Variants in HFM1 observed in about 807,000 individuals in gnomAD.
The protein encoded by HFM1 is helicase for meiosis 1, also known as probable ATP-dependent DNA helicase HFM1.
A neutral mutation model predicts 192.1 loss-of-function variants in HFM1; 169 were observed. The ratio of observed to expected loss-of-function variants is 0.88; its 90% CI spans 0.78 to 1.00. The LOEUF (loss-of-function observed/expected upper bound fraction) is 1.00, where lower values mean the gene tolerates loss of function less well. Ranked by LOEUF, HFM1 falls within the 50% of genes least tolerant of loss-of-function variation. HFM1 has a pLI of 0.00. For synonymous variants in HFM1, 525 were observed against 537.8 expected (o/e 0.98, Z 0.33); for missense variants, 1,661 against 1,668.0 (o/e 1.00, Z 0.07).
In HFM1 at chr1:91,315,830, T is replaced by C. The variant is rs1183896046; in HGVS notation, c.3125A>G (p.Tyr1042Cys). Residue 1042 changes from tyrosine (Y) to cysteine (C), a missense_variant, in exon 28 of 39, where the codon TAT becomes TGT. Transcript: ENST00000370425. ...TCACACTTACGTAATCTTGTGCAGA[T>C]AAACTACTTGATTATCTGCGTCACC... ...IIGDADNQVV[Y>C]LHKITDSVLL... The C allele has an allele frequency of 3.1e-6, 5 of 1,609,322 alleles. No individual in the cohort carries two copies. In the East Asian group the frequency reaches 1.1e-4, roughly 36 times the overall value.
chr1:91,342,190 C>A (rs1209799885), intron 20 of HFM1, among the ~76,000 whole-genome samples: 4 of 132,982 alleles, frequency 3.0e-5, no homozygotes, highest in Admixed American at 7.6e-5. Context: ...ATGCAAAAAT[C>A]CTCAACAAAA....
Position 91,401,043 on chromosome 1 carries a change from A to G in HFM1, c.40T>C (p.Leu14=). The G allele has an allele frequency of 1.3e-6, 2 of 1,557,232 alleles. No individual in the cohort carries two copies. The highest frequency in any genetic ancestry group is 1.2e-5 in the South Asian group (1 of 82,096). Residue 14 remains leucine (L), a synonymous_variant, in exon 2 of 39, where the codon TTG becomes CTG. Transcript: ENST00000370425. The part of the protein sequence containing the change: ...SNDCLFSLEN[L]FFEKPDEVEN... ...ACTTCATCTGGTTTTTCAAAAAACAAATTTTCCAAAGAAAACAGGCAATCA... is the reference window on the plus strand; with the variant it reads ...ACTTCATCTGGTTTTTCAAAAAACAGATTTTCCAAAGAAAACAGGCAATCA...
chr1:91,310,602 A>T lies in HFM1; in HGVS notation c.3391+2747T>A, dbSNP rs1281447815. Among the ~76,000 whole-genome samples the T allele has an allele frequency of 1.3e-5, 2 of 152,228 alleles. 1 individual carries two copies. The highest frequency in any genetic ancestry group is 4.8e-5 in the African/African-American group (2 of 41,454). On this transcript the variant is annotated intron_variant, in intron 30 of 38. Coordinates refer to ENST00000370425, the MANE Select transcript of HFM1 (RefSeq NM_001017975.6). Reference sequence around the variant, plus strand: ...AATCTCAACTTGAATTGTATCTCCCAGAATTCCCACGTGTTGTGGAAGGGA... The same window carrying T: ...AATCTCAACTTGAATTGTATCTCCCTGAATTCCCACGTGTTGTGGAAGGGA...
chr1:91,371,574 C>T (rs1203204349), intron 13 of HFM1, among the ~76,000 whole-genome samples: 1 of 122,308 alleles, frequency 8.2e-6, no homozygotes. Context: ...TTCCTTACAC[C>T]TTATACAAAA....
At chr1:91,372,668 A>T (rs550069007) in intron 13 of HFM1, among the ~76,000 whole-genome samples, 1 of 152,070 alleles carries the variant, frequency 6.6e-6, no homozygotes, top group Non-Finnish European at 1.5e-5. Flanking sequence ...GCACACCAAC[A>T]CCACATGTAT....
chr1:91,295,762 T>C (rs1647452623), intron 30 of HFM1, among the ~76,000 whole-genome samples: 1 of 152,166 alleles, frequency 6.6e-6, no homozygotes, highest in South Asian at 2.1e-4. Flanking sequence ...GTTTTTATGG[T>C]TAGAAAGTTT....
chr1:91,339,057 C>T (rs1214391632), intron 20 of HFM1: 3 of 454,610 alleles, frequency 6.6e-6, no homozygotes, highest in African/African-American at 2.0e-5. Flanking sequence ...TCAACTAAAC[C>T]CAACTTATGC....
Position 91,274,774 on chromosome 1 carries a change from T to C in HFM1, c.3624A>G (p.Lys1208=), listed in dbSNP as rs1172013760. Residue 1208 remains lysine (K), a synonymous_variant, in exon 33 of 39, where the codon AAA becomes AAG. Coordinates refer to ENST00000370425, the MANE Select transcript of HFM1 (RefSeq NM_001017975.6). ...AAGGTTTTGGAGTAAAACCAAACTC[T>C]TTAAGGTCCACACTTTGAGATTTAT... The part of the protein sequence containing the change: ...QMNKSQSVDL[K]EFGFTPKPSL... 2.5e-6 allele frequency: 4 copies of C among 1,575,524 alleles called. No homozygotes were observed. Among genetic ancestry groups the C allele is most frequent in the African/African-American group, 2.7e-5 (2 of 74,184 alleles).
chr1:91,406,765 G>A (rs1007398572), upstream of HFM1, among the ~76,000 whole-genome samples: 2 of 152,176 alleles, frequency 1.3e-5, no homozygotes, highest in Admixed American at 6.5e-5. Flanking sequence ...TCACTTCTCA[G>A]TGAAACTGGT....
chr1:91,375,777 T>C (rs1415120947), intron 11 of HFM1, 50 bp from the exon 12 acceptor site: 1 of 1,530,522 alleles, frequency 6.5e-7, no homozygotes, highest in Non-Finnish European at 9.0e-7. Context: ...AGTAAAGTTT[T>C]ATTGCTAAAA....
chr1:91,267,540 T>C (rs894966423), intron 35 of HFM1, among the ~76,000 whole-genome samples: 2 of 152,088 alleles, frequency 1.3e-5, no homozygotes, highest in African/African-American at 4.8e-5. Context: ...CATCATGGAA[T>C]AACCTTGATC....
chr1:91,339,623 A>G (rs1655061099), intron 20 of HFM1, among the ~76,000 whole-genome samples: 1 of 152,190 alleles, frequency 6.6e-6, no homozygotes, highest in Non-Finnish European at 1.5e-5. Context: ...AGAATGAACA[A>G]AACTTCCAAG....
intron 36 of HFM1, among the ~76,000 whole-genome samples, chr1:91,264,359 GTATTTTTTTTT>G (rs1310952279): frequency 3.7e-5 from 2 of 54,078 alleles, no homozygotes; most frequent in East Asian, 6.0e-4. Context: ...CACAAATTTA[GTATTTTTTTTT>G]TTTTTTTTTT....
intron 30 of HFM1, among the ~76,000 whole-genome samples, chr1:91,298,620 G>C (rs192506646): frequency 6.6e-6 from 1 of 152,146 alleles, no homozygotes; most frequent in Non-Finnish European, 1.5e-5. Context: ...AGAAGAGAGT[G>C]GGGGCAAATA....
In HFM1 at chr1:91,394,321, T is replaced by G; in HGVS notation, c.266A>C (p.Lys89Thr). 6.3e-7 allele frequency: 1 copy of G among 1,583,354 alleles called. No individual in the cohort carries two copies. Among genetic ancestry groups the G allele is most frequent in the Non-Finnish European group, 8.7e-7 (1 of 1,152,682 alleles). ...EDTNYISLTQ[K>T]FQFAFPSDKY... ...ATCAGAAGGAAAGGCAAACTGGAATTTTTGTGTTAGTGAAATATAATTTGT... is the reference window on the plus strand; with the variant it reads ...ATCAGAAGGAAAGGCAAACTGGAATGTTTGTGTTAGTGAAATATAATTTGT... The change falls in exon 4 of 39, where the codon AAA (lysine) becomes ACA (threonine). Residue 89 changes from lysine (K) to threonine (T), a missense_variant. By Grantham distance (78) the Lys-to-Thr change is moderately conservative. Coordinates refer to ENST00000370425, the MANE Select transcript of HFM1 (RefSeq NM_001017975.6).
chr1:91,313,226 T>G, intron 30 of HFM1, 123 bp downstream of exon 30: 1 of 543,060 alleles, frequency 1.8e-6, no homozygotes, highest in Non-Finnish European at 3.2e-6. Context: ...GAAATTACTA[T>G]GAAGCTTAAA....
intron 28 of HFM1, among the ~76,000 whole-genome samples, chr1:91,314,403 T>A (rs1292523885): frequency 2.0e-5 from 3 of 152,134 alleles, no homozygotes; most frequent in Non-Finnish European, 4.4e-5. Context: ...ACAGGCACAT[T>A]GGCACTATGC....
intron 4 of HFM1, among the ~76,000 whole-genome samples, chr1:91,389,936 A>C (rs1662732442): frequency 6.6e-6 from 1 of 152,208 alleles, no homozygotes; most frequent in Non-Finnish European, 1.5e-5. Flanking sequence ...GTTAAATATA[A>C]AGTTACCATA....
In HFM1 at chr1:91,378,430, C is replaced by A. The variant is rs1454241262; in HGVS notation, c.1209G>T (p.Gln403His). The change falls in exon 10 of 39, where the codon CAG (glutamine) becomes CAT (histidine). Residue 403 changes from glutamine to histidine, a missense_variant. Physicochemically the swap from Gln to His is conservative, Grantham distance 24. Transcript: ENST00000370425. ...TRKWRDNSLV[Q>H]LVRLFLIDEV... ...CATCAATGAGAAACAGTCGAACCAG[C>A]TGAACCAAAGAGTTGTCTCTCCATT... 6.2e-7 allele frequency: 1 copy of A among 1,605,972 alleles called. No individual in the cohort carries two copies. Among genetic ancestry groups the A allele is most frequent in the Non-Finnish European group, 8.5e-7 (1 of 1,174,654 alleles).
Sources: allele counts gnomAD v4.1 joint callset (sites outside exome capture counted in the v4.1 genomes callset), GRCh38; gene constraint gnomAD v4.1.1; transcripts MANE v1.5; gene names NCBI Gene and HGNC (gene_info 2026-07-23, HGNC 2026-07-21).